PDSS2: variants seen among roughly 807,000 people sequenced by gnomAD.
The protein encoded by PDSS2 is decaprenyl diphosphate synthase subunit 2.
Under a neutral mutation model 44.5 loss-of-function variants are expected in PDSS2, and 31 were observed. The observed-to-expected ratio is 0.70, with a 90% CI of 0.52 to 0.94. The LOEUF (loss-of-function observed/expected upper bound fraction) is 0.94. Ranked by LOEUF, PDSS2 falls within the 40% of genes least tolerant of loss-of-function variation. The probability of loss-of-function intolerance (pLI) is 0.00; values close to 1 mark genes in which losing one functional copy is unlikely to be tolerated. For missense variants in PDSS2, 452 were observed against 482.2 expected (o/e 0.94, Z 0.59); for synonymous variants, 157 against 180.3 (o/e 0.87, Z 1.03).
chr6:107,334,525 GCGT>G (rs906075220), intron 1 of PDSS2, among the ~76,000 whole-genome samples, 193 bp from the exon 2 acceptor site: 5 of 63,770 alleles, frequency 7.8e-5, no homozygotes, highest in South Asian at 8.3e-4. Flanking sequence ...ATCTACGGCT[GCGT>G]TGTTGTTGTT....
At chr6:107,211,914 G>T (rs1163608591) in intron 5 of PDSS2, among the ~76,000 whole-genome samples, 195 bp downstream of exon 5, 2 of 152,076 alleles carry the variant, frequency 1.3e-5, no homozygotes, top group African/African-American at 4.8e-5. Context: ...GTAAACTGTG[G>T]CTTTCTGTAA....
At chr6:107,327,028 C>T (rs1056531841) in intron 2 of PDSS2, among the ~76,000 whole-genome samples, 2 of 152,076 alleles carry the variant, frequency 1.3e-5, no homozygotes, top group African/African-American at 2.4e-5. Context: ...TCTACTTGTA[C>T]CTGAATTGAT....
At chr6:107,174,747 TAGAA>T in intron 7 of PDSS2, among the ~76,000 whole-genome samples, 1 of 152,252 alleles carries the variant, frequency 6.6e-6, no homozygotes, top group Admixed American at 6.5e-5. Context: ...CTGACAAAAC[TAGAA>T]AGAGACAAAG....
intron 1 of PDSS2, among the ~76,000 whole-genome samples, chr6:107,356,050 T>C (rs1439671375): frequency 6.6e-6 from 1 of 152,246 alleles, no homozygotes; most frequent in Non-Finnish European, 1.5e-5. Flanking sequence ...AAAAAGGCAC[T>C]ATTATACTCC....
chr6:107,249,098 G>A (rs1774726697), intron 3 of PDSS2, among the ~76,000 whole-genome samples: 1 of 152,174 alleles, frequency 6.6e-6, no homozygotes, highest in South Asian at 2.1e-4. Flanking sequence ...ATGACATCAG[G>A]CTTAACTGCC....
intron 2 of PDSS2, among the ~76,000 whole-genome samples, chr6:107,313,453 AGC>A: frequency 6.6e-6 from 1 of 152,224 alleles, no homozygotes; most frequent in South Asian, 2.1e-4. Flanking sequence ...CCTAGATTCA[AGC>A]AATTCTCCTG....
intron 1 of PDSS2, among the ~76,000 whole-genome samples, chr6:107,452,998 T>G (rs1781924795): frequency 6.6e-6 from 1 of 152,090 alleles, no homozygotes; most frequent in Non-Finnish European, 1.5e-5. Flanking sequence ...AATTATTGTT[T>G]TCTTTTATGA....
intron 7 of PDSS2, among the ~76,000 whole-genome samples, chr6:107,165,350 G>A (rs1554247331): frequency 6.6e-6 from 1 of 152,134 alleles, no homozygotes; most frequent in East Asian, 1.9e-4. Context: ...TATAAAGTGT[G>A]AGGAAGGGAT....
chr6:107,312,453 G>C (rs144586245), intron 2 of PDSS2, among the ~76,000 whole-genome samples: 1 of 152,300 alleles, frequency 6.6e-6, no homozygotes, highest in African/African-American at 2.4e-5. Context: ...AACTTCCTGA[G>C]TTCAAACCCT....
intron 7 of PDSS2, among the ~76,000 whole-genome samples, chr6:107,173,365 C>A (rs182711799): frequency 0.013 from 2,014 of 151,220 alleles, 45 homozygotes; most frequent in African/African-American, 0.047. Context: ...CCTGAGGTCA[C>A]GAGATTGAGA....
At chr6:107,316,309 T>C (rs1034650745) in intron 2 of PDSS2, among the ~76,000 whole-genome samples, 3 of 152,208 alleles carry the variant, frequency 2.0e-5, no homozygotes, top group Non-Finnish European at 2.9e-5. Flanking sequence ...TGGTATCTTA[T>C]ATGTCTAGTA....
intron 2 of PDSS2, among the ~76,000 whole-genome samples, chr6:107,300,684 C>CT (rs1270206410): frequency 2.0e-5 from 3 of 152,216 alleles, no homozygotes; most frequent in African/African-American, 7.2e-5. Context: ...GGGTAACCCC[C>CT]TTTGGGTCAC....
chr6:107,451,611 A>G lies in PDSS2; in HGVS notation c.296+7379T>C, dbSNP rs540123370. Among the ~76,000 whole-genome samples the G allele has an allele frequency of 3.3e-5, 5 of 152,244 alleles. No individual in the cohort carries two copies. The South Asian group carries it at 8.3e-4, about 25-fold the overall frequency. On this transcript the variant is annotated intron_variant, in intron 1 of 7. Transcript: ENST00000369037. ...TATCTCAAGCAGCAGAGCATATTCT[A>G]TATGGGTCAAAGGAAGTGCTAAACC...
chr6:107,311,109 G>A (rs1476275427), intron 2 of PDSS2, among the ~76,000 whole-genome samples: 2 of 151,326 alleles, frequency 1.3e-5, no homozygotes, highest in Admixed American at 1.3e-4. Context: ...GTAGAGATAG[G>A]GTTTCATCAT....
intron 4 of PDSS2, among the ~76,000 whole-genome samples, chr6:107,237,692 G>A (rs1424655925): frequency 6.6e-6 from 1 of 151,716 alleles, no homozygotes; most frequent in Admixed American, 6.6e-5. Flanking sequence ...CCTGAGGTCA[G>A]GAGTTTGAGA....
intron 7 of PDSS2, among the ~76,000 whole-genome samples, chr6:107,176,245 T>C (rs12530287): frequency 5.8e-4 from 88 of 152,214 alleles, no homozygotes; most frequent in Admixed American, 1.4e-3. Context: ...TTTCACCATG[T>C]TGGCCAGGCT....
rs1554244798 is a variant in PDSS2 at position 107,153,073 on chromosome 6, G to T, written c.*1546C>A. Reference sequence around the variant, plus strand: ...GCTTTACATTTTCTCTTCATTGCATGCCACATGTTGGGCCCTGATAAAATG... The same window carrying T: ...GCTTTACATTTTCTCTTCATTGCATTCCACATGTTGGGCCCTGATAAAATG... On this transcript the variant is annotated 3_prime_UTR_variant, in exon 8 of 8. Coordinates refer to ENST00000369037, the MANE Select transcript of PDSS2 (RefSeq NM_020381.4). 1 of 152,530 alleles carries T rather than the reference G, an allele frequency of 6.6e-6. No homozygotes were observed. Among genetic ancestry groups the T allele is most frequent in the Non-Finnish European group, 1.5e-5 (1 of 68,034 alleles). 9.4% of individuals were successfully genotyped at this position (152,530 alleles called of 1,614,324 possible). A position where few individuals can be genotyped will look rare whatever the true frequency, so the allele number is the denominator to read the frequency against.
intron 1 of PDSS2, among the ~76,000 whole-genome samples, chr6:107,434,932 T>A (rs946401397): frequency 6.6e-6 from 1 of 152,026 alleles, no homozygotes; most frequent in Non-Finnish European, 1.5e-5. Flanking sequence ...ACTTACTATG[T>A]ACTCATAAAA....
chr6:107,166,371 T>G (rs2114334162), intron 7 of PDSS2, among the ~76,000 whole-genome samples: 1 of 147,880 alleles, frequency 6.8e-6, no homozygotes, highest in East Asian at 2.0e-4. Context: ...GTTTTTTTTT[T>G]TTTTTTTTTT....
Sources: allele counts gnomAD v4.1 joint callset (sites outside exome capture counted in the v4.1 genomes callset), GRCh38; gene constraint gnomAD v4.1.1; transcripts MANE v1.5; gene names NCBI Gene and HGNC (gene_info 2026-07-23, HGNC 2026-07-21).